The following FAF1 variants were observed in gnomAD, a reference collection of about 807,000 sequenced individuals.
FAF1 encodes the protein Fas associated factor 1, also known as FAS-associated factor 1.
In FAF1, 25 loss-of-function variants were observed where a neutral mutation model predicts 92.5. The ratio of observed to expected loss-of-function variants is 0.27; its 90% CI spans 0.20 to 0.38. FAF1 has a LOEUF of 0.38. FAF1 is among the 10% of genes least tolerant of loss of function. The pLI, the probability that FAF1 is intolerant of heterozygous loss-of-function variation, is 1.00. For synonymous variants in FAF1, 234 were observed against 273.2 expected (o/e 0.86, Z 1.42); for missense variants, 636 against 793.3 (o/e 0.80, Z 2.38).
chr1:50,759,073 A>T (rs1302365694), intron 4 of FAF1, among the ~76,000 whole-genome samples: 2 of 151,652 alleles, frequency 1.3e-5, no homozygotes, highest in Non-Finnish European at 2.9e-5. Context: ...CAATCTCCCG[A>T]CCTCATGATC....
chr1:50,723,608 T>C (rs553501443), intron 6 of FAF1, among the ~76,000 whole-genome samples: 43 of 152,138 alleles, frequency 2.8e-4, no homozygotes, highest in South Asian at 4.2e-4. Context: ...AGCCACACTG[T>C]ATGAATATCA....
intron 7 of FAF1, among the ~76,000 whole-genome samples, chr1:50,694,920 C>A (rs1657122956): frequency 5.3e-5 from 8 of 151,748 alleles, no homozygotes; most frequent in Admixed American, 5.2e-4. Flanking sequence ...CGACACAGTG[C>A]CACTGGACTC....
intron 15 of FAF1, among the ~76,000 whole-genome samples, chr1:50,513,574 G>A (rs558105400): frequency 7.2e-5 from 11 of 152,242 alleles, no homozygotes; most frequent in African/African-American, 2.6e-4. Flanking sequence ...TTTCCATTCT[G>A]CAAAAAGTTC....
chr1:50,818,634 CT>C (rs1644000790), intron 2 of FAF1, among the ~76,000 whole-genome samples: 1 of 152,226 alleles, frequency 6.6e-6, no homozygotes, highest in East Asian at 1.9e-4. Context: ...GTATGATTTC[CT>C]TCATACAGCT....
chr1:50,628,812 T>C (rs935400764), intron 8 of FAF1, among the ~76,000 whole-genome samples: 2 of 152,178 alleles, frequency 1.3e-5, no homozygotes, highest in Admixed American at 6.5e-5. Context: ...GTGAACATTA[T>C]TCACCTAAAG....
At chr1:50,800,126 T>C (rs926169764) in intron 3 of FAF1, among the ~76,000 whole-genome samples, 1 of 152,146 alleles carries the variant, frequency 6.6e-6, no homozygotes, top group Non-Finnish European at 1.5e-5. Flanking sequence ...TTATGAGAAA[T>C]CAGTTTAATA....
intron 2 of FAF1, among the ~76,000 whole-genome samples, chr1:50,834,993 G>GAAAGACTAGGGTAGTAACAAT (rs1644187462): frequency 6.6e-6 from 1 of 152,140 alleles, no homozygotes; most frequent in African/African-American, 2.4e-5. Flanking sequence ...AGCAAAGAAA[G>GAAAGACTAGGGTAGTAACAAT]AAAGACTAGG....
chr1:50,579,896 A>G (rs1325824656), intron 12 of FAF1, among the ~76,000 whole-genome samples: 1 of 152,182 alleles, frequency 6.6e-6, no homozygotes, highest in Non-Finnish European at 1.5e-5. Context: ...TGACTGGTGA[A>G]GTTTGTATAT....
intron 1 of FAF1, among the ~76,000 whole-genome samples, chr1:50,947,196 G>C (rs978795974): frequency 2.6e-5 from 4 of 151,974 alleles, no homozygotes; most frequent in South Asian, 2.1e-4. Context: ...ACTTCCCTTA[G>C]GGAAAAAGAG....
intron 2 of FAF1, among the ~76,000 whole-genome samples, chr1:50,829,625 C>G (rs558941741): frequency 2.0e-5 from 3 of 152,294 alleles, no homozygotes; most frequent in African/African-American, 7.2e-5. Flanking sequence ...CACCCCTTCC[C>G]AAAAGTCCAT....
intron 1 of FAF1, among the ~76,000 whole-genome samples, chr1:50,927,678 G>A (rs182001492): frequency 2.0e-5 from 3 of 152,168 alleles, no homozygotes; most frequent in Admixed American, 2.0e-4. Context: ...GAAGAAGGAG[G>A]CTTCTGGAAC....
chr1:50,519,366 A>AGGAAGGAGGGAG (rs1187945663), intron 15 of FAF1, among the ~76,000 whole-genome samples: 6 of 97,614 alleles, frequency 6.1e-5, no homozygotes, highest in African/African-American at 2.7e-4. Context: ...GAAGGAAGGA[A>AGGAAGGAGGGAG]GGAAGGAGGG....
intron 8 of FAF1, among the ~76,000 whole-genome samples, chr1:50,608,325 GT>G (rs746990282): frequency 1.3e-5 from 2 of 152,108 alleles, no homozygotes; most frequent in Non-Finnish European, 2.9e-5. Context: ...ATTTGGTCAG[GT>G]GCCTGAGCCC....
intron 12 of FAF1, among the ~76,000 whole-genome samples, chr1:50,570,998 AAC>A (rs2149058891): frequency 6.6e-6 from 1 of 152,296 alleles, no homozygotes; most frequent in East Asian, 1.9e-4. Flanking sequence ...CTATTACTAT[AAC>A]CAGTTTTTCC....
At chr1:50,695,143 C>G (rs1289303841) in intron 7 of FAF1, among the ~76,000 whole-genome samples, 2 of 151,990 alleles carry the variant, frequency 1.3e-5, no homozygotes, top group African/African-American at 2.4e-5. Flanking sequence ...CACGGTGGCT[C>G]AAGTCTGTAA....
At chr1:50,703,221 T>C (rs1385885390) in intron 7 of FAF1, among the ~76,000 whole-genome samples, 1 of 152,150 alleles carries the variant, frequency 6.6e-6, no homozygotes, top group African/African-American at 2.4e-5. Context: ...AATACTAGCA[T>C]TATAAAATAA....
At chr1:50,708,927 G>A (rs1657802160) in intron 6 of FAF1, among the ~76,000 whole-genome samples, 1 of 152,218 alleles carries the variant, frequency 6.6e-6, no homozygotes, top group African/African-American at 2.4e-5. Context: ...CAATGTGACT[G>A]CAGTGAAGGC....
intron 4 of FAF1, among the ~76,000 whole-genome samples, chr1:50,772,175 A>AAAAT (rs768672621): frequency 8.1e-4 from 124 of 152,258 alleles, no homozygotes; most frequent in South Asian, 8.3e-4. Flanking sequence ...AATATTCTGA[A>AAAAT]AAATAAATAA....
At position 50,554,364 on chromosome 1, in the gene FAF1, A is replaced by AAT. The variant is rs149420376; in HGVS notation, c.1268+12711_1268+12712dup. Among the ~76,000 whole-genome samples the AAT allele has an allele frequency of 6.2e-3, 727 of 117,126 alleles. 9 individuals are homozygous for AAT. Among genetic ancestry groups the AAT allele is most frequent in the Non-Finnish European group, 7.9e-3 (462 of 58,514 alleles). The allele number at this position is 117,126 out of a possible 152,430, so 76.8% of individuals were successfully genotyped here. On this transcript the variant is annotated intron_variant, in intron 13 of 18. Coordinates refer to ENST00000396153, the MANE Select transcript of FAF1 (RefSeq NM_007051.3). Reference sequence around the variant, plus strand: ...ATTGTGGAAAAGATTAAATGAGGTAAATATATATATATATATATATATATA... The same window carrying AAT: ...ATTGTGGAAAAGATTAAATGAGGTAAATATATATATATATATATATATATATA...
Sources: gnomAD v4.1 joint callset for allele counts (sites outside exome capture counted in the v4.1 genomes callset) on GRCh38, gnomAD v4.1.1 for gene constraint, MANE v1.5 for transcripts, NCBI Gene and HGNC (gene_info 2026-07-23, HGNC 2026-07-21) for gene names.